The following RCAN2 variants were observed in gnomAD, a reference collection of about 807,000 sequenced individuals.
The protein encoded by RCAN2 is calcipressin-2.
RCAN2 carries 9 observed loss-of-function variants against 23.6 expected under a neutral mutation model. The ratio of observed to expected loss-of-function variants is 0.38; its 90% CI spans 0.23 to 0.67. The LOEUF is 0.67. Ranked by LOEUF, RCAN2 falls within the 30% of genes least tolerant of loss-of-function variation. RCAN2 has a pLI of 0.51. For synonymous variants in RCAN2, 109 were observed against 115.7 expected (o/e 0.94, Z 0.37); for missense variants, 273 against 302.3 (o/e 0.90, Z 0.72).
At chr6:46,272,934 G>T (rs188369685) in intron 2 of RCAN2, among the ~76,000 whole-genome samples, 1 of 152,262 alleles carries the variant, frequency 6.6e-6, no homozygotes, top group East Asian at 1.9e-4. Flanking sequence ...CATGTTCACC[G>T]TATCTAAGCC....
At chr6:46,435,294 C>A (rs1021444126) in intron 2 of RCAN2, among the ~76,000 whole-genome samples, 5 of 152,286 alleles carry the variant, frequency 3.3e-5, no homozygotes, top group South Asian at 4.1e-4. Flanking sequence ...AATTCAAATT[C>A]TCTTTATAAT....
At chr6:46,357,716 A>G (rs1277382265) in intron 2 of RCAN2, among the ~76,000 whole-genome samples, 1 of 152,234 alleles carries the variant, frequency 6.6e-6, no homozygotes, top group East Asian at 1.9e-4. Context: ...CACAGCTAGT[A>G]CATGTTGAAG....
chr6:46,260,294 A>G (rs756454436), intron 2 of RCAN2, among the ~76,000 whole-genome samples: 1 of 152,188 alleles, frequency 6.6e-6, no homozygotes, highest in East Asian at 1.9e-4. Flanking sequence ...TTCTTATTAT[A>G]TTCAAAATAT....
chr6:46,328,268 A>G lies in RCAN2; in HGVS notation c.226-79372T>C, dbSNP rs954612182. Among the ~76,000 whole-genome samples the G allele has an allele frequency of 8.5e-4, 129 of 152,078 alleles. 1 individual carries two copies. Among genetic ancestry groups the G allele is most frequent in the Non-Finnish European group, 6.3e-4 (43 of 68,002 alleles). On this transcript the variant is annotated intron_variant, in intron 2 of 4. Transcript: ENST00000371374. The stretch of plus-strand genomic sequence containing the variant: ...CACTAACTTTATGCTTTCCTCTTTT[A>G]AAATATCTTTTCAAGGACAGTTGTC...
intron 2 of RCAN2, among the ~76,000 whole-genome samples, chr6:46,336,022 C>T (rs887209402): frequency 7.2e-5 from 11 of 152,202 alleles, no homozygotes; most frequent in Admixed American, 6.5e-5. Context: ...AATGCCTTGT[C>T]TTCAAAGTGT....
At chr6:46,280,343 C>T (rs572121318) in intron 2 of RCAN2, among the ~76,000 whole-genome samples, 16 of 152,206 alleles carry the variant, frequency 1.1e-4, no homozygotes, top group East Asian at 5.8e-4. Context: ...ATTAGGAATA[C>T]TTTAATCTGT....
chr6:46,333,566 T>C (rs570468999), intron 2 of RCAN2, among the ~76,000 whole-genome samples: 1 of 152,382 alleles, frequency 6.6e-6, no homozygotes, highest in African/African-American at 2.4e-5. Context: ...AATGCCTATG[T>C]AATTTTGCTA....
chr6:46,449,383 A>T (rs920388960), intron 2 of RCAN2, among the ~76,000 whole-genome samples: 6 of 151,528 alleles, frequency 4.0e-5, no homozygotes, highest in Non-Finnish European at 8.9e-5. Flanking sequence ...TAGTATTAAT[A>T]TTAAATATTA....
At chr6:46,307,300 G>T (rs1763102479) in intron 2 of RCAN2, among the ~76,000 whole-genome samples, 1 of 152,084 alleles carries the variant, frequency 6.6e-6, no homozygotes, top group African/African-American at 2.4e-5. Flanking sequence ...CAATGTTCAA[G>T]ACAAACACGT....
At chr6:46,444,957 C>A (rs901628760) in intron 2 of RCAN2, among the ~76,000 whole-genome samples, 2 of 151,988 alleles carry the variant, frequency 1.3e-5, no homozygotes, top group South Asian at 2.1e-4. Flanking sequence ...AGCAACAGGG[C>A]AGCCCCAGGC....
intron 2 of RCAN2, among the ~76,000 whole-genome samples, chr6:46,263,142 G>A (rs1767171294): frequency 6.6e-6 from 1 of 152,162 alleles, no homozygotes; most frequent in Non-Finnish European, 1.5e-5. Context: ...GGCTCACTTG[G>A]TGATGAAATG....
intron 4 of RCAN2, among the ~76,000 whole-genome samples, chr6:46,239,596 G>T (rs558980278): frequency 1.3e-5 from 2 of 152,214 alleles, no homozygotes; most frequent in East Asian, 1.9e-4. Context: ...AAATAATTGG[G>T]GTTCTCTTTC....
chr6:46,396,473 C>T (rs1766090379), intron 2 of RCAN2, among the ~76,000 whole-genome samples: 1 of 152,112 alleles, frequency 6.6e-6, no homozygotes, highest in African/African-American at 2.4e-5. Flanking sequence ...CGTATTTGAC[C>T]CTACCATTCG....
intron 2 of RCAN2, among the ~76,000 whole-genome samples, chr6:46,276,441 A>G (rs1461142911): frequency 6.6e-6 from 1 of 152,160 alleles, no homozygotes; most frequent in African/African-American, 2.4e-5. Context: ...TATGGCCACA[A>G]CTAGGAGCTC....
chr6:46,324,687 T>C (rs1164490142), intron 2 of RCAN2, among the ~76,000 whole-genome samples: 3 of 152,224 alleles, frequency 2.0e-5, no homozygotes, highest in Non-Finnish European at 4.4e-5. Flanking sequence ...TAAAAGGGAA[T>C]GAATATCATC....
chr6:46,299,691 T>C (rs1451130162), intron 2 of RCAN2, among the ~76,000 whole-genome samples: 2 of 152,024 alleles, frequency 1.3e-5, no homozygotes, highest in Non-Finnish European at 2.9e-5. Flanking sequence ...TTATTTGACT[T>C]CTCTGTGACT....
chr6:46,444,788 C>T (rs1339601668), intron 2 of RCAN2, among the ~76,000 whole-genome samples: 1 of 152,146 alleles, frequency 6.6e-6, no homozygotes, highest in African/African-American at 2.4e-5. Context: ...TGCTTCTTCA[C>T]ACAGAGCTAG....
intron 2 of RCAN2, among the ~76,000 whole-genome samples, chr6:46,310,439 CTTCT>C (rs1203763339): frequency 6.6e-6 from 1 of 152,034 alleles, no homozygotes; most frequent in Non-Finnish European, 1.5e-5. Flanking sequence ...GTGCTCAGAC[CTTCT>C]ATTCTACAAC....
intron 1 of RCAN2, among the ~76,000 whole-genome samples, chr6:46,484,301 G>T (rs368722423): frequency 2.6e-5 from 4 of 152,196 alleles, no homozygotes; most frequent in East Asian, 3.9e-4. Context: ...TTAGAAAAAT[G>T]ACCACTTAAG....
Sources: gnomAD v4.1 joint callset for allele counts (sites outside exome capture counted in the v4.1 genomes callset) on GRCh38, gnomAD v4.1.1 for gene constraint, MANE v1.5 for transcripts, NCBI Gene and HGNC (gene_info 2026-07-23, HGNC 2026-07-21) for gene names.